The following LRP1B variants were observed in gnomAD, a reference collection of about 807,000 sequenced individuals.
The protein encoded by LRP1B is low-density lipoprotein receptor-related protein 1B.
A neutral mutation model predicts 556.6 loss-of-function variants in LRP1B; 217 were observed. The observed-to-expected ratio is 0.39, with a 90% CI of 0.35 to 0.44. LRP1B has a LOEUF of 0.44. Ranked by LOEUF, LRP1B falls within the 20% of genes least tolerant of loss-of-function variation. The pLI is 1.00. For missense variants in LRP1B, 5,053 were observed against 5,620.8 expected, an observed-to-expected ratio of 0.90 and a Z score of 3.23; for synonymous variants, 2,047 against 1,865.8, an observed-to-expected ratio of 1.10 and a Z score of -2.50.
chr2:141,404,966 C>T (rs1273567803), intron 3 of LRP1B, among the ~76,000 whole-genome samples: 1 of 151,650 alleles, frequency 6.6e-6, no homozygotes, highest in East Asian at 1.9e-4. Flanking sequence ...GTGGTGGGCA[C>T]CTGTAGTCCC....
Position 140,923,084 on chromosome 2 carries a change from A to G in LRP1B, c.3200T>C (p.Val1067Ala). 6.2e-7 allele frequency: 1 copy of G among 1,613,022 alleles called. No individual in the cohort carries two copies. The highest frequency in any genetic ancestry group is 8.5e-7 in the Non-Finnish European group (1 of 1,179,360). ...EFQCHPDGNC[V>A]PDLWRCDGEK... ...TCCATCACAGCGCCACAAATCAGGAACGCAATTACCATCAGGGTGGCACTG... is the reference window on the plus strand; with the variant it reads ...TCCATCACAGCGCCACAAATCAGGAGCGCAATTACCATCAGGGTGGCACTG... The change falls in exon 21 of 91, where the codon GTT becomes GCT. Residue 1067 changes from valine to alanine, a missense_variant. By Grantham distance (64) the Val-to-Ala change is moderately conservative. Around this residue, in one of 5 missense-constraint regions of LRP1B, gnomAD observed 3,619 missense variants for 3,931.9 expected, o/e 0.92. Coordinates refer to ENST00000389484, the MANE Select transcript of LRP1B (RefSeq NM_018557.3).
In LRP1B at chr2:141,923,970, T is replaced by C. The variant is rs185658276; in HGVS notation, c.83-113569A>G. 8.6e-4 allele frequency among the ~76,000 whole-genome samples: 131 copies of C among 152,098 alleles called. 1 individual carries two copies. Among genetic ancestry groups the C allele is most frequent in the Admixed American group, 6.9e-3 (106 of 15,266 alleles). On this transcript the variant is annotated intron_variant, in intron 1 of 90. Transcript: ENST00000389484. Reference sequence around the variant, plus strand: ...TGATTACCTAGTCATAGGAAAAGCATGCTATTGATATGGACAGGAGACAGG... The same window carrying C: ...TGATTACCTAGTCATAGGAAAAGCACGCTATTGATATGGACAGGAGACAGG...
chr2:141,120,132 G>A (rs1701010057), intron 7 of LRP1B, among the ~76,000 whole-genome samples: 1 of 151,902 alleles, frequency 6.6e-6, no homozygotes, highest in African/African-American at 2.4e-5. Flanking sequence ...TTAACCCACT[G>A]ACAGGCAAGG....
intron 43 of LRP1B, among the ~76,000 whole-genome samples, chr2:140,596,758 G>A (rs1230929190): frequency 2.0e-5 from 3 of 152,248 alleles, no homozygotes; most frequent in Admixed American, 6.5e-5. Flanking sequence ...TTCCTGCTAC[G>A]TATGTGGCTA....
At chr2:140,977,503 G>A (rs937792693) in intron 18 of LRP1B, among the ~76,000 whole-genome samples, 4 of 152,102 alleles carry the variant, frequency 2.6e-5, no homozygotes, top group Admixed American at 6.5e-5. Context: ...ACATTCTTAC[G>A]TTACATAGTG....
intron 2 of LRP1B, among the ~76,000 whole-genome samples, chr2:141,659,299 T>A (rs1238941981): frequency 6.6e-6 from 1 of 152,146 alleles, no homozygotes. Flanking sequence ...AAGGTCTCTG[T>A]TGCAAACAGT....
chr2:140,734,046 C>G (rs913974258), intron 35 of LRP1B, among the ~76,000 whole-genome samples: 2 of 152,080 alleles, frequency 1.3e-5, no homozygotes, highest in Admixed American at 1.3e-4. Flanking sequence ...GATGATCAAC[C>G]ATAATATATG....
chr2:141,008,998 A>G (rs941440550), intron 14 of LRP1B, among the ~76,000 whole-genome samples: 9 of 152,024 alleles, frequency 5.9e-5, no homozygotes, highest in Admixed American at 2.6e-4. Context: ...CAAATGAGAG[A>G]ATACAGAAAT....
chr2:140,882,261 A>G (rs563276983), intron 25 of LRP1B, among the ~76,000 whole-genome samples: 19 of 152,294 alleles, frequency 1.2e-4, no homozygotes, highest in African/African-American at 4.6e-4. Flanking sequence ...CTTTGTGGGA[A>G]GTGTAGGGTC....
At chr2:141,964,264 C>G (rs1393891957) in intron 1 of LRP1B, among the ~76,000 whole-genome samples, 31 of 150,528 alleles carry the variant, frequency 2.1e-4, no homozygotes, top group African/African-American at 7.6e-4. Flanking sequence ...CATATGGAAC[C>G]AAAAAAGAGC....
Position 141,582,551 on chromosome 2 carries a change from A to G in LRP1B, c.206-102018T>C, listed in dbSNP as rs376872883. 1.8e-4 allele frequency among the ~76,000 whole-genome samples: 27 copies of G among 152,292 alleles called. No individual in the cohort carries two copies. In the East Asian group the frequency reaches 2.9e-3, roughly 16 times the overall value. ...TGAGAAATAAATAATTCTCCACAAG[A>G]AAGCAGTTAGTTATATTTGTGTGGC... On this transcript the variant is annotated intron_variant, in intron 2 of 90. Transcript: ENST00000389484.
At chr2:140,616,022 T>C (rs1020950503) in intron 41 of LRP1B, among the ~76,000 whole-genome samples, 1 of 151,968 alleles carries the variant, frequency 6.6e-6, no homozygotes, top group Admixed American at 6.6e-5. Flanking sequence ...AATTTTAAAA[T>C]TAAGTTTGGA....
At chr2:140,906,980 A>T (rs2105229907) in intron 22 of LRP1B, among the ~76,000 whole-genome samples, 1 of 151,872 alleles carries the variant, frequency 6.6e-6, no homozygotes, top group South Asian at 2.1e-4. Context: ...GGTAAAAAAA[A>T]AAAAAACTTC....
At chr2:141,865,897 T>C (rs1698397555) in intron 1 of LRP1B, among the ~76,000 whole-genome samples, 1 of 152,216 alleles carries the variant, frequency 6.6e-6, no homozygotes, top group Non-Finnish European at 1.5e-5. Context: ...CTCTAGGTTG[T>C]CTCCCAACAA....
chr2:140,594,666 C>T (rs1257150197), intron 43 of LRP1B, among the ~76,000 whole-genome samples: 1 of 152,130 alleles, frequency 6.6e-6, no homozygotes, highest in African/African-American at 2.4e-5. Context: ...TGTCTAGCTT[C>T]TTTCTAATCT....
intron 34 of LRP1B, among the ~76,000 whole-genome samples, chr2:140,769,989 C>A (rs1234776430): frequency 6.6e-6 from 1 of 151,878 alleles, no homozygotes; most frequent in African/African-American, 2.4e-5. Context: ...AGTACACACT[C>A]TAATGCTTAT....
In LRP1B at chr2:142,115,494, TATATA is replaced by T. The variant is rs1369923992; in HGVS notation, c.82+15149_82+15153del. ...ATTACATACATATAATATATAATTA[TATATA>T]ATATATATTATATATTACATATATA... On this transcript the variant is annotated intron_variant, in intron 1 of 90. Coordinates refer to ENST00000389484, the MANE Select transcript of LRP1B (RefSeq NM_018557.3). Among the ~76,000 whole-genome samples, 36 of 90,880 alleles carry T rather than the reference TATATA, an allele frequency of 4.0e-4. 1 individual carries two copies. In the East Asian group the frequency reaches 8.6e-3, roughly 22 times the overall value. 59.6% of individuals were successfully genotyped at this position (90,880 alleles called of 152,430 possible).
At chr2:141,399,928 A>G (rs766646961) in intron 3 of LRP1B, among the ~76,000 whole-genome samples, 1 of 152,186 alleles carries the variant, frequency 6.6e-6, no homozygotes, top group Non-Finnish European at 1.5e-5. Context: ...AATGCCTGCC[A>G]TGTGTGAGAG....
chr2:140,339,309 A>G (rs1681254139), intron 77 of LRP1B, among the ~76,000 whole-genome samples: 1 of 151,752 alleles, frequency 6.6e-6, no homozygotes, highest in South Asian at 2.1e-4. Flanking sequence ...AACAGGAAAA[A>G]GGAAAAACAT....
Sources: allele counts gnomAD v4.1 joint callset (sites outside exome capture counted in the v4.1 genomes callset), GRCh38; gene constraint gnomAD v4.1.1; regional missense constraint gnomAD v4.1.1; transcripts MANE v1.5; gene names NCBI Gene and HGNC (gene_info 2026-07-23, HGNC 2026-07-21).